Variants in DOCK1 observed in about 807,000 individuals in gnomAD.
DOCK1 encodes the protein dedicator of cytokinesis protein 1.
In DOCK1, 138 loss-of-function variants were observed where a neutral mutation model predicts 262.7. The ratio of observed to expected loss-of-function variants is 0.53; its 90% CI spans 0.46 to 0.61. The LOEUF is 0.61. Ranked by LOEUF, DOCK1 falls within the 20% of genes least tolerant of loss-of-function variation. The pLI, the probability that DOCK1 is intolerant of heterozygous loss-of-function variation, is 0.00. For missense variants in DOCK1, 1,908 were observed against 2,370.7 expected (o/e 0.80, Z 4.05); for synonymous variants, 866 against 867.4 (o/e 1.00, Z 0.03).
At position 127,127,708 on chromosome 10, in the gene DOCK1, C is replaced by T. The variant is rs1288540444; in HGVS notation, c.2791C>T (p.Leu931Phe). 1.2e-6 allele frequency: 2 copies of T among 1,612,932 alleles called. No homozygotes were observed. ...QRHVQIIMEK[L>F]LRTVNRTVIS... is the part of the protein sequence containing the mutation. ...GCACGTCCAGATTATCATGGAGAAA[C>T]TTCTCCGGACCGTGAACCGAACCGT... The change falls in exon 27 of 52, where the codon CTT becomes TTT. Residue 931 changes from leucine to phenylalanine, a missense_variant. Transcript: ENST00000623213.
chr10:127,152,111 T>C (rs2133481425), intron 27 of DOCK1, among the ~76,000 whole-genome samples: 1 of 152,304 alleles, frequency 6.6e-6, no homozygotes, highest in South Asian at 2.1e-4. Context: ...TGACTCACTG[T>C]TGCTTGGTTG....
chr10:126,920,592 A>T (rs926392144), intron 1 of DOCK1, among the ~76,000 whole-genome samples: 3 of 152,240 alleles, frequency 2.0e-5, no homozygotes, highest in Non-Finnish European at 4.4e-5. Context: ...TGTAATTATA[A>T]AGCATTAAAC....
chr10:127,110,640 T>C (rs1326961694), intron 25 of DOCK1, among the ~76,000 whole-genome samples: 1 of 152,206 alleles, frequency 6.6e-6, no homozygotes, highest in Non-Finnish European at 1.5e-5. Flanking sequence ...GATATGTGGT[T>C]GTCTGTCCTG....
Position 126,948,556 on chromosome 10 carries a change from G to A in DOCK1, c.47-22146G>A, listed in dbSNP as rs1258279861. 3.3e-5 allele frequency among the ~76,000 whole-genome samples: 5 copies of A among 152,028 alleles called. No homozygotes were observed. In the East Asian group the frequency reaches 5.8e-4, roughly 18 times the overall value. ...TGGATGAACCTCTTTTTTACGTGGG[G>A]TGGGGTCGGGATAGGCACCCTGAAA... On this transcript the variant is annotated intron_variant, in intron 1 of 51. Transcript: ENST00000623213.
chr10:127,402,729 C>T (rs377576992), intron 38 of DOCK1: 2 of 542,674 alleles, frequency 3.7e-6, no homozygotes, highest in African/African-American at 1.9e-5. Context: ...AAGGCTGCTC[C>T]GACAGACGGG....
intron 29 of DOCK1, among the ~76,000 whole-genome samples, chr10:127,338,316 A>C (rs2135721970): frequency 6.6e-6 from 1 of 152,366 alleles, no homozygotes; most frequent in African/African-American, 2.4e-5. Flanking sequence ...TTCTAGAGTC[A>C]CGTGTGATCG....
chr10:126,936,754 A>G (rs912184403), intron 1 of DOCK1, among the ~76,000 whole-genome samples: 6 of 152,338 alleles, frequency 3.9e-5, no homozygotes, highest in African/African-American at 1.4e-4. Flanking sequence ...ATGTGTGCTT[A>G]CTTCTTTTTC....
In DOCK1 at chr10:126,939,179, CCCTT is replaced by C. The variant is rs1389842132; in HGVS notation, c.47-31518_47-31515del. Among the ~76,000 whole-genome samples, 7 of 152,154 alleles carry C rather than the reference CCCTT, an allele frequency of 4.6e-5. 1 individual carries two copies. Among genetic ancestry groups the C allele is most frequent in the African/African-American group, 1.7e-4 (7 of 41,496 alleles). On this transcript the variant is annotated intron_variant, in intron 1 of 51. Coordinates refer to ENST00000623213, the MANE Select transcript of DOCK1 (RefSeq NM_001290223.2). ...CAGAAGGGATGCAAGGGAAGGAACC[CCCTT>C]CCTTAAGCTCTTCTATAAGGGGCCT...
At chr10:127,059,432 C>T (rs2045389585) in intron 22 of DOCK1, among the ~76,000 whole-genome samples, 1 of 152,128 alleles carries the variant, frequency 6.6e-6, no homozygotes, top group Non-Finnish European at 1.5e-5. Context: ...ACTTCAATTA[C>T]ATGTATGTTA....
intron 27 of DOCK1, among the ~76,000 whole-genome samples, chr10:127,161,383 T>A (rs1390076336): frequency 6.6e-6 from 1 of 152,106 alleles, no homozygotes; most frequent in African/African-American, 2.4e-5. Context: ...TCTGTTCCCT[T>A]TTTCCCAGTA....
intron 38 of DOCK1, among the ~76,000 whole-genome samples, chr10:127,387,303 G>A (rs1178251467): frequency 6.6e-6 from 1 of 152,214 alleles, no homozygotes; most frequent in Non-Finnish European, 1.5e-5. Flanking sequence ...CTGCTGCACT[G>A]CCTTGAGGAC....
intron 19 of DOCK1, among the ~76,000 whole-genome samples, chr10:127,038,089 C>T (rs1478142610): frequency 1.3e-5 from 2 of 151,792 alleles, no homozygotes; most frequent in Admixed American, 6.6e-5. Context: ...CAAAATTAGC[C>T]GGGTGTGGTG....
chr10:127,404,693 T>C (rs986216356), intron 40 of DOCK1, among the ~76,000 whole-genome samples: 4 of 152,232 alleles, frequency 2.6e-5, no homozygotes, highest in East Asian at 1.9e-4. Context: ...GTGTGATATA[T>C]GATATGTGAT....
chr10:127,362,947 A>G (rs2064632295), intron 33 of DOCK1, among the ~76,000 whole-genome samples: 1 of 139,204 alleles, frequency 7.2e-6, no homozygotes, highest in African/African-American at 3.0e-5. Context: ...CCCCACACAC[A>G]TACACATGTG....
chr10:126,930,402 C>T (rs2034101041), intron 1 of DOCK1, among the ~76,000 whole-genome samples: 1 of 152,256 alleles, frequency 6.6e-6, no homozygotes, highest in Non-Finnish European at 1.5e-5. Context: ...GCTGGCTGAA[C>T]TTCCTCTGGC....
intron 33 of DOCK1, among the ~76,000 whole-genome samples, chr10:127,363,088 T>TACAC (rs201156880): frequency 4.1e-5 from 3 of 72,574 alleles, no homozygotes; most frequent in Admixed American, 1.5e-4. Flanking sequence ...TGTGCACACA[T>TACAC]ACACACACAT....
chr10:127,260,899 C>CTGTT (rs1174499237), intron 29 of DOCK1, among the ~76,000 whole-genome samples: 34 of 92,106 alleles, frequency 3.7e-4, no homozygotes, highest in African/African-American at 1.5e-3. Context: ...CCGTGCTCAT[C>CTGTT]TGTGTACCTG....
intron 2 of DOCK1, among the ~76,000 whole-genome samples, chr10:126,975,988 G>A (rs1358873266): frequency 2.0e-5 from 3 of 152,090 alleles, no homozygotes; most frequent in Non-Finnish European, 2.9e-5. Context: ...ATTCTAAGAC[G>A]TTAATCTTTG....
intron 29 of DOCK1, among the ~76,000 whole-genome samples, chr10:127,321,481 A>C (rs1246920027): frequency 6.7e-6 from 1 of 149,476 alleles, no homozygotes; most frequent in Non-Finnish European, 1.5e-5. Flanking sequence ...ATTGATTTCC[A>C]AGGATTTCTT....
Sources: gnomAD v4.1 joint callset for allele counts (sites outside exome capture counted in the v4.1 genomes callset) on GRCh38, gnomAD v4.1.1 for gene constraint, MANE v1.5 for transcripts, NCBI Gene and HGNC (gene_info 2026-07-23, HGNC 2026-07-21) for gene names.